The following CCNB2 variants were observed in gnomAD, a reference collection of about 807,000 sequenced individuals.
CCNB2 encodes the protein G2/mitotic-specific cyclin-B2.
In CCNB2, 39 loss-of-function variants were observed where a neutral mutation model predicts 51.1. That is an observed-to-expected ratio of 0.76 (90% CI 0.59 to 1.00). The LOEUF (loss-of-function observed/expected upper bound fraction) is 1.00, where lower values mean the gene tolerates loss of function less well. CCNB2 is among the 50% of genes least tolerant of loss of function. CCNB2 has a pLI of 0.00. For synonymous variants in CCNB2, 174 were observed against 165.5 expected (o/e 1.05, Z -0.40); for missense variants, 472 against 470.3 (o/e 1.00, Z -0.03).
intron 5 of CCNB2, chr15:59,115,636 T>G (rs191815321): frequency 6.6e-6 from 1 of 152,320 alleles, no homozygotes; most frequent in East Asian, 1.9e-4. Flanking sequence ...TAAAAATTAC[T>G]TTACAATAAT....
intron 5 of CCNB2, among the ~76,000 whole-genome samples, chr15:59,115,266 GA>G (rs1377122963): frequency 3.3e-5 from 5 of 152,080 alleles, no homozygotes; most frequent in Admixed American, 6.6e-5. Context: ...TTCCTCATCT[GA>G]AAAACGATGA....
chr15:59,114,680 A>G, intron 4 of CCNB2, 38 bp from the exon 5 acceptor site: 1 of 1,591,916 alleles, frequency 6.3e-7, no homozygotes, highest in Non-Finnish European at 8.6e-7. Context: ...TGGGAAGCAA[A>G]CAAGGTCAGC....
At chr15:59,107,846 C>G (rs1035371329) in intron 3 of CCNB2, among the ~76,000 whole-genome samples, 176 bp downstream of exon 3, 1 of 151,988 alleles carries the variant, frequency 6.6e-6, no homozygotes, top group African/African-American at 2.4e-5. Context: ...AACATTATGA[C>G]CTTGAAGCTG....
chr15:59,107,659 T>C lies in CCNB2; in HGVS notation c.256T>C (p.Leu86=), dbSNP rs1408382782. ...ASVKPVQMEK[L]APKGPSPTPE... ...TGTCAAACCAGTACAGATGGAAAAG[T>C]TGGCTCCAAAGGTAGGAAGTTCTGA... The change falls in exon 3 of 9, where the codon TTG becomes CTG. Residue 86 remains leucine, a synonymous_variant. Coordinates refer to ENST00000288207, the MANE Select transcript of CCNB2 (RefSeq NM_004701.4). 1.2e-6 allele frequency: 2 copies of C among 1,613,578 alleles called. No homozygotes were observed. The highest frequency in any genetic ancestry group is 2.2e-5 in the South Asian group (2 of 90,942).
chr15:59,112,931 A>G lies in CCNB2; in HGVS notation c.268-1513A>G, dbSNP rs1358947137. 5.3e-5 allele frequency among the ~76,000 whole-genome samples: 8 copies of G among 151,992 alleles called. No homozygotes were observed. The South Asian group carries it at 8.3e-4, about 16-fold the overall frequency. ...CGCCTGTAGTCCCAGCTACTCCAGA[A>G]GCTGAGGCAGGAGAATGGCGTGAAC... On this transcript the variant is annotated intron_variant, in intron 3 of 8. Transcript: ENST00000288207.
At chr15:59,105,545 A>T (rs1201750090) in intron 1 of CCNB2, among the ~76,000 whole-genome samples, 1 of 152,092 alleles carries the variant, frequency 6.6e-6, no homozygotes, top group Non-Finnish European at 1.5e-5. Flanking sequence ...CGCTTCCGAG[A>T]TGGCGCCTGT....
chr15:59,112,808 G>T (rs2079262797), intron 3 of CCNB2, among the ~76,000 whole-genome samples: 1 of 151,738 alleles, frequency 6.6e-6, no homozygotes, highest in Admixed American at 6.6e-5. Context: ...GCCGAGGTGG[G>T]CGGATCACAA....
intron 5 of CCNB2, chr15:59,116,103 T>TA (rs2079277726): frequency 6.6e-6 from 1 of 152,014 alleles, no homozygotes; most frequent in Admixed American, 6.5e-5. Flanking sequence ...AAAAAGCAAT[T>TA]AAGGGAAACG....
At position 59,114,874 on chromosome 15, in the gene CCNB2, C is replaced by G. The variant is rs1048672738; in HGVS notation, c.595C>G (p.Gln199Glu). 3 of 1,611,660 alleles carry G rather than the reference C, an allele frequency of 1.9e-6. No individual in the cohort carries two copies. Among genetic ancestry groups the G allele is most frequent in the African/African-American group, 2.7e-5 (2 of 75,002 alleles). The change falls in exon 5 of 9, where the codon CAG becomes GAG. Residue 199 changes from glutamine (Q) to glutamate (E), a missense_variant and splice_region_variant. Physicochemically the swap from Gln to Glu is conservative, Grantham distance 29. Transcript: ENST00000288207. ...CGTTGGCATTATGGATCGATTTTTA[C>G]AGGTAGGTGTGGCTTCAGGGACTTC... ...MCVGIMDRFL[Q>E]VQPVSRKKLQ...
At chr15:59,110,281 A>G (rs1159336851) in intron 3 of CCNB2, among the ~76,000 whole-genome samples, 1 of 152,224 alleles carries the variant, frequency 6.6e-6, no homozygotes, top group African/African-American at 2.4e-5. Flanking sequence ...CCCGTAGCTC[A>G]GTTCATATAA....
intron 5 of CCNB2, chr15:59,116,094 A>C (rs1485775770): frequency 6.6e-6 from 1 of 152,218 alleles, no homozygotes; most frequent in Non-Finnish European, 1.5e-5. Context: ...AGGAAAAAAA[A>C]AAAGCAATTA....
chr15:59,105,383 C>T, intron 1 of CCNB2, 91 bp downstream of exon 1: 2 of 1,394,846 alleles, frequency 1.4e-6, no homozygotes, highest in South Asian at 1.2e-5. Flanking sequence ...GCTTCTCCGT[C>T]CCAACCGGGG....
At position 59,124,968 on chromosome 15, in the gene CCNB2, T is replaced by G; in HGVS notation, c.*91T>G. On this transcript the variant is annotated 3_prime_UTR_variant, in exon 9 of 9. Coordinates refer to ENST00000288207, the MANE Select transcript of CCNB2 (RefSeq NM_004701.4). The stretch of plus-strand genomic sequence containing the variant: ...ATTTTGTACATAGTCCTCTGGTCTA[T>G]CTCATGAAACCTCTTCTCAGACCAG... 1.4e-6 allele frequency: 1 copy of G among 701,624 alleles called. No homozygotes were observed. Among genetic ancestry groups the G allele is most frequent in the Non-Finnish European group, 2.3e-6 (1 of 440,044 alleles). 43.5% of individuals were successfully genotyped at this position (701,624 alleles called of 1,614,324 possible).
chr15:59,124,401 CTT>C lies in CCNB2; in HGVS notation c.1087-363_1087-362del, dbSNP rs2079316512. 13 of 252,806 alleles carry C rather than the reference CTT, an allele frequency of 5.1e-5. 1 individual carries two copies. In the South Asian group the frequency reaches 5.9e-4, roughly 11 times the overall value. The allele number at this position is 252,806 out of a possible 1,614,324, so 15.7% of individuals were successfully genotyped here. A position where few individuals can be genotyped will look rare whatever the true frequency, so the allele number is the denominator to read the frequency against. On this transcript the variant is annotated intron_variant, in intron 8 of 8. Transcript: ENST00000288207. ...ACCCTCTTTTATTGTCTTTTATTGTCTTTTAATTGTTCCTATTGCTGCCAGGC... is the reference window on the plus strand; with the variant it reads ...ACCCTCTTTTATTGTCTTTTATTGTCTTAATTGTTCCTATTGCTGCCAGGC...
chr15:59,110,935 A>G (rs566237444), intron 3 of CCNB2, among the ~76,000 whole-genome samples: 1 of 152,264 alleles, frequency 6.6e-6, no homozygotes, highest in South Asian at 2.1e-4. Flanking sequence ...AGTTGAATAA[A>G]CCATCGATTC....
chr15:59,121,165 C>G (rs558695582), intron 7 of CCNB2: 2 of 152,196 alleles, frequency 1.3e-5, no homozygotes, highest in African/African-American at 2.4e-5. Context: ...ATCTGCAAAT[C>G]GCTTTCAAAT....
chr15:59,122,562 C>G (rs1175697964), intron 7 of CCNB2, among the ~76,000 whole-genome samples: 1 of 133,710 alleles, frequency 7.5e-6, no homozygotes, highest in Non-Finnish European at 1.6e-5. Flanking sequence ...TTTTTTGAGA[C>G]AGGGTCTCAC....
chr15:59,112,809 C>T (rs373775528), intron 3 of CCNB2, among the ~76,000 whole-genome samples: 9 of 151,332 alleles, frequency 5.9e-5, no homozygotes, highest in African/African-American at 1.7e-4. Context: ...CCGAGGTGGG[C>T]GGATCACAAG....
At chr15:59,124,734 T>G in intron 8 of CCNB2, 33 bp from the exon 9 acceptor site, 1 of 1,456,554 alleles carries the variant, frequency 6.9e-7, no homozygotes, top group Non-Finnish European at 9.6e-7. Context: ...TGGGGGTTCC[T>G]GACATGTGCT....
Sources: allele counts gnomAD v4.1 joint callset (sites outside exome capture counted in the v4.1 genomes callset), GRCh38; gene constraint gnomAD v4.1.1; transcripts MANE v1.5; gene names NCBI Gene and HGNC (gene_info 2026-07-23, HGNC 2026-07-21).